SLC6A7: variants seen among roughly 807,000 people sequenced by gnomAD.
SLC6A7 encodes sodium-dependent proline transporter.
Under a neutral mutation model 73.1 loss-of-function variants are expected in SLC6A7, and 58 were observed. The ratio of observed to expected loss-of-function variants is 0.79; its 90% CI spans 0.64 to 0.99. The LOEUF (loss-of-function observed/expected upper bound fraction) is 0.99. SLC6A7 is among the 50% of genes least tolerant of loss of function. The probability of loss-of-function intolerance (pLI) is 0.00; values close to 1 mark genes in which losing one functional copy is unlikely to be tolerated. For synonymous variants in SLC6A7, 338 were observed against 338.7 expected (o/e 1.00, Z 0.02); for missense variants, 783 against 831.4 (o/e 0.94, Z 0.72).
chr5:150,203,825 GT>G (rs1753528168), intron 9 of SLC6A7, 46 bp downstream of exon 9: 1 of 1,008,522 alleles, frequency 9.9e-7, no homozygotes. Context: ...TGTGTGGTGT[GT>G]GTGTGTGTGT....
intron 12 of SLC6A7, among the ~76,000 whole-genome samples, 197 bp downstream of exon 12, chr5:150,205,124 G>A (rs1342933593): frequency 1.3e-5 from 2 of 152,244 alleles, no homozygotes; most frequent in East Asian, 3.9e-4. Context: ...TAGTTCAGTT[G>A]GTTAAATGCG....
At chr5:150,202,766 C>A in intron 8 of SLC6A7, 63 bp downstream of exon 8, 1 of 1,563,890 alleles carries the variant, frequency 6.4e-7, no homozygotes, top group Non-Finnish European at 8.7e-7. Flanking sequence ...GGGGCTGGGC[C>A]AGTGGACCAG....
intron 13 of SLC6A7, among the ~76,000 whole-genome samples, chr5:150,207,138 T>TTTTTATTTTA (rs533105148): frequency 6.6e-6 from 1 of 152,218 alleles, no homozygotes; most frequent in East Asian, 1.9e-4. Flanking sequence ...TCTGTCTTTA[T>TTTTTATTTTA]TTTTATTTTA....
chr5:150,209,595 G>C lies in SLC6A7; in HGVS notation c.1891G>C (p.Glu631Gln), dbSNP rs867544698. ...CGAGGTGGACCGTGAGATTGCAGAG[G>C]AGGAGGAGTCGATGATGTGAGGCAG... is the stretch of plus-strand genomic sequence containing the variant. ...AIEVDREIAE[E>Q]EESMM The change falls in exon 14 of 14, where the codon GAG becomes CAG. Residue 631 changes from glutamate (E) to glutamine (Q), a missense_variant. Coordinates refer to ENST00000230671, the MANE Select transcript of SLC6A7 (RefSeq NM_014228.5). 4 of 1,608,954 alleles carry C rather than the reference G, an allele frequency of 2.5e-6. No homozygotes were observed. The African/African-American group carries it at 4.0e-5, about 16-fold the overall frequency.
In SLC6A7 at chr5:150,197,133, C is replaced by G; in HGVS notation, c.441C>G (p.Ser147=). The G allele has an allele frequency of 6.2e-7, 1 of 1,614,144 alleles. No individual in the cohort carries two copies. The highest frequency in any genetic ancestry group is 8.5e-7 in the Non-Finnish European group (1 of 1,180,026). The stretch of plus-strand genomic sequence containing the variant: ...ACGTGCTCTTCTACCTCTTCGCCTC[C>G]CTCACCAGCGACCTACCCTGGGAGC... The part of the protein sequence containing the change: ...IAYVLFYLFA[S]LTSDLPWEHC... Residue 147 remains serine (S), a synonymous_variant, in exon 4 of 14, where the codon TCC becomes TCG. Transcript: ENST00000230671.
intron 1 of SLC6A7, among the ~76,000 whole-genome samples, chr5:150,193,966 G>A (rs189040035): frequency 7.2e-5 from 11 of 152,260 alleles, no homozygotes; most frequent in Non-Finnish European, 1.0e-4. Context: ...TCCTCATGAC[G>A]AAAATGGAGC....
chr5:150,205,426 G>A (rs1409380316), intron 12 of SLC6A7, 30 bp from the exon 13 acceptor site: 21 of 1,561,910 alleles, frequency 1.3e-5, no homozygotes, highest in South Asian at 6.0e-5. Context: ...ACAAAAGCCC[G>A]CAGTGATGCT....
At chr5:150,204,173 C>T in intron 10 of SLC6A7, 135 bp downstream of exon 10, 1 of 857,770 alleles carries the variant, frequency 1.2e-6, no homozygotes, top group Non-Finnish European at 1.8e-6. Flanking sequence ...CCCTCCCCGG[C>T]CCTATCTCCC....
chr5:150,210,228 G>T lies in SLC6A7; in HGVS notation c.*613G>T. The T allele has an allele frequency of 6.2e-6, 1 of 161,490 alleles. No homozygotes were observed. Among genetic ancestry groups the T allele is most frequent in the East Asian group, 1.7e-4 (1 of 6,036 alleles). The allele number at this position is 161,490 out of a possible 1,614,324, so 10.0% of individuals were successfully genotyped here. On this transcript the variant is annotated 3_prime_UTR_variant, in exon 14 of 14. Transcript: ENST00000230671. ...GCTGAGGGCCCTGGAGGATGGGGAA[G>T]GTTTGCAGAGAGAGGAAGAAGAGGG...
chr5:150,202,479 G>A, intron 7 of SLC6A7, 29 bp downstream of exon 7: 1 of 1,611,704 alleles, frequency 6.2e-7, no homozygotes, highest in Non-Finnish European at 8.5e-7. Context: ...CCCAGACCCT[G>A]GGGTCCAAAG....
chr5:150,193,620 A>G (rs1046080896), intron 1 of SLC6A7, among the ~76,000 whole-genome samples: 4 of 152,212 alleles, frequency 2.6e-5, no homozygotes, highest in Middle Eastern at 3.4e-3. Flanking sequence ...TGAGCCACGG[A>G]GCATCAGTGG....
At chr5:150,209,190 G>T (rs1362624398) in intron 13 of SLC6A7, among the ~76,000 whole-genome samples, 1 of 152,242 alleles carries the variant, frequency 6.6e-6, no homozygotes, top group Non-Finnish European at 1.5e-5. Flanking sequence ...ATTGCCAAGA[G>T]CCATCCAGCT....
At chr5:150,201,354 A>AT (rs1753374525) in intron 6 of SLC6A7, 131 bp downstream of exon 6, 8 of 494,872 alleles carry the variant, frequency 1.6e-5, no homozygotes, top group Non-Finnish European at 2.6e-5. Flanking sequence ...ATTTATTATT[A>AT]TTGTTATTTT....
rs906584740 is a variant in SLC6A7, at chr5:150,194,888, A to G, written c.194A>G (p.Tyr65Cys). The change falls in exon 2 of 14, where the codon TAT becomes TGT. Residue 65 changes from tyrosine (Y) to cysteine (C), a missense_variant. Tyr to Cys is a radical substitution (Grantham distance 194). Transcript: ENST00000230671. Reference protein sequence around the residue: ...VGLGNVWRFPYRAYTNGGGAF... With the variant: ...VGLGNVWRFPCRAYTNGGGAF... The stretch of plus-strand genomic sequence containing the variant: ...CTGGGGAATGTCTGGCGCTTCCCCT[A>G]TCGAGCGTACACCAATGGAGGAGGT... 4 of 1,613,948 alleles carry G rather than the reference A, an allele frequency of 2.5e-6. No homozygotes were observed. The African/African-American group carries it at 4.0e-5, about 16-fold the overall frequency.
intron 13 of SLC6A7, among the ~76,000 whole-genome samples, chr5:150,206,032 C>T (rs751557844): frequency 1.3e-5 from 2 of 152,166 alleles, no homozygotes; most frequent in Non-Finnish European, 1.5e-5. Context: ...ACTGGTGGCC[C>T]GGGATAGAAT....
In SLC6A7 at chr5:150,190,110, C is replaced by T; in HGVS notation, c.-218C>T. ...ATGCGGGCGCAGCAGTGCACCCTTCCCCAGCCTCGGGCGCTGCGCAGGGAC... is the reference window on the plus strand; with the variant it reads ...ATGCGGGCGCAGCAGTGCACCCTTCTCCAGCCTCGGGCGCTGCGCAGGGAC... On this transcript the variant is annotated 5_prime_UTR_variant, in exon 1 of 14. Coordinates refer to ENST00000230671, the MANE Select transcript of SLC6A7 (RefSeq NM_014228.5). The T allele has an allele frequency of 2.2e-6, 1 of 452,644 alleles. No homozygotes were observed. The highest frequency in any genetic ancestry group is 3.8e-6 in the Non-Finnish European group (1 of 259,826). 28.0% of individuals were successfully genotyped at this position (452,644 alleles called of 1,614,324 possible).
intron 10 of SLC6A7, 112 bp downstream of exon 10, chr5:150,204,150 C>A: frequency 9.2e-7 from 1 of 1,092,066 alleles, no homozygotes. Flanking sequence ...TTCCTCTTTG[C>A]AAGGAACCCA....
At chr5:150,207,974 G>A (rs56213607) in intron 13 of SLC6A7, among the ~76,000 whole-genome samples, 32,734 of 149,998 alleles carry the variant, frequency 0.22, 3,706 homozygotes, top group South Asian at 0.31. Context: ...GTCATCTAGT[G>A]GGCAGAGTTC....
intron 12 of SLC6A7, 62 bp from the exon 13 acceptor site, chr5:150,205,394 C>T: frequency 7.7e-7 from 1 of 1,305,494 alleles, no homozygotes. Flanking sequence ...GGCTGGGCTA[C>T]CTCGGGCCTT....
Sources: gnomAD v4.1 joint callset for allele counts (sites outside exome capture counted in the v4.1 genomes callset) on GRCh38, gnomAD v4.1.1 for gene constraint, MANE v1.5 for transcripts, NCBI Gene and HGNC (gene_info 2026-07-23, HGNC 2026-07-21) for gene names.